Variants in ZBTB1 observed in about 807,000 individuals in gnomAD.
ZBTB1 encodes the protein zinc finger and BTB domain-containing protein 1.
In ZBTB1, 13 loss-of-function variants were observed where a neutral mutation model predicts 51.6. That is an observed-to-expected ratio of 0.25 (90% CI 0.16 to 0.40). ZBTB1 has a LOEUF of 0.40. Among genes scored for constraint, ZBTB1 ranks in the 10% least tolerant of loss-of-function variants. The pLI, the probability that ZBTB1 is intolerant of heterozygous loss-of-function variation, is 1.00. For synonymous variants in ZBTB1, 240 were observed against 282.2 expected (o/e 0.85, Z 1.50); for missense variants, 567 against 856.5 (o/e 0.66, Z 4.22).
chr14:64,521,581 G>A lies in ZBTB1; in HGVS notation c.77G>A (p.Cys26Tyr). The A allele has an allele frequency of 6.2e-7, 1 of 1,614,208 alleles. No homozygotes were observed. The highest frequency in any genetic ancestry group is 8.5e-7 in the Non-Finnish European group (1 of 1,180,036). The part of the protein sequence containing the change: ...NQREWGFLCD[C>Y]CIAIDDIYFQ... ...AGAGAATGGGGTTTTCTCTGTGACT[G>A]CTGTATTGCAATTGATGACATTTAC... Residue 26 changes from cysteine to tyrosine, a missense_variant, in exon 2 of 2, where the codon TGC becomes TAC. Cys to Tyr is a radical substitution (Grantham distance 194). This residue lies in a region of ZBTB1 where 69 missense variants were observed against 136.4 expected (regional missense o/e 0.51). Coordinates refer to ENST00000683701, the MANE Select transcript of ZBTB1 (RefSeq NM_001123329.2).
chr14:64,525,005 A>G, downstream of ZBTB1: 1 of 861,722 alleles, frequency 1.2e-6, no homozygotes. Context: ...AATGAAAGGG[A>G]TTTTAATTAA....
At chr14:64,527,312 T>C (rs1463946928), downstream of ZBTB1, among the ~76,000 whole-genome samples, 2 of 151,410 alleles carry the variant, frequency 1.3e-5, no homozygotes, top group Non-Finnish European at 2.9e-5. Context: ...CCACCTCTAC[T>C]AAAAATACAA....
chr14:64,525,325 A>G (rs184741441), downstream of ZBTB1, among the ~76,000 whole-genome samples: 55 of 152,316 alleles, frequency 3.6e-4, no homozygotes, highest in Non-Finnish European at 1.2e-4. Context: ...CAAAAATTAA[A>G]AATTTAACAG....
At position 64,521,145 on chromosome 14, in the gene ZBTB1, G is replaced by A. The variant is rs531576379; in HGVS notation, c.-18-342G>A. On this transcript the variant is annotated intron_variant, in intron 1 of 1. Transcript: ENST00000683701. ...CCCAAAGTGTTAGGATTACAGGCGT[G>A]AGCCACTGCACTCGGCCTCCTTCAA... 2.6e-5 allele frequency among the ~76,000 whole-genome samples: 4 copies of A among 152,346 alleles called. 1 individual carries two copies. In the South Asian group the frequency reaches 8.3e-4, roughly 32 times the overall value.
At position 64,522,560 on chromosome 14, in the gene ZBTB1, T is replaced by C. The variant is rs1309126728; in HGVS notation, c.1056T>C (p.Cys352=). Residue 352 remains cysteine (C), a synonymous_variant, in exon 2 of 2, where the codon TGT becomes TGC. Coordinates refer to ENST00000683701, the MANE Select transcript of ZBTB1 (RefSeq NM_001123329.2). ...TTATTAAAGTTACTGATAAAGACTG[T>C]AATGAATCCACTGACAATGATGAAT... ...FNIIKVTDKD[C]NESTDNDELE... is the part of the protein sequence containing the mutation. 1.9e-6 allele frequency: 3 copies of C among 1,613,940 alleles called. No homozygotes were observed. The highest frequency in any genetic ancestry group is 2.2e-5 in the East Asian group (1 of 44,886).
intron 1 of ZBTB1, among the ~76,000 whole-genome samples, chr14:64,517,781 A>ATTTT (rs10590459): frequency 1.4e-4 from 6 of 41,550 alleles, no homozygotes; most frequent in Admixed American, 3.3e-4. Context: ...ATATATATAT[A>ATTTT]TTTTTTTTTT....
chr14:64,521,808 A>C lies in ZBTB1; in HGVS notation c.304A>C (p.Asn102His). The C allele has an allele frequency of 6.2e-7, 1 of 1,611,498 alleles. No individual in the cohort carries two copies. ...TTTTGAGCAGTTTAAAGTGGCAATG[A>C]ACTACCTACAGCTATACAATGTTCC... is the stretch of plus-strand genomic sequence containing the variant. The part of the protein sequence containing the change: ...SSFEQFKVAM[N>H]YLQLYNVPDC... The change falls in exon 2 of 2, where the codon AAC becomes CAC. Residue 102 changes from asparagine (N) to histidine (H), a missense_variant. By Grantham distance (68) the Asn-to-His change is moderately conservative. This residue lies in a region of ZBTB1 where 69 missense variants were observed against 136.4 expected (regional missense o/e 0.51). Coordinates refer to ENST00000683701, the MANE Select transcript of ZBTB1 (RefSeq NM_001123329.2).
At chr14:64,533,062 AT>A (rs778657948) in exon 3 of ZBTB1, 13 of 152,184 alleles carry the variant, frequency 8.5e-5, no homozygotes, top group African/African-American at 3.1e-4. Context: ...AAGCACAGAG[AT>A]TTATAGTATT....
chr14:64,529,291 C>T (rs896980100), downstream of ZBTB1, among the ~76,000 whole-genome samples: 1 of 152,096 alleles, frequency 6.6e-6, no homozygotes, highest in African/African-American at 2.4e-5. Flanking sequence ...CCTTTTCTTC[C>T]TTTATTTCCC....
downstream of ZBTB1, among the ~76,000 whole-genome samples, chr14:64,526,102 G>C (rs974510162): frequency 2.0e-5 from 3 of 151,784 alleles, no homozygotes; most frequent in Admixed American, 2.0e-4. Context: ...ACAGGCATGA[G>C]CCACCGTGCC....
chr14:64,518,904 G>GCATATATATATATATA lies in ZBTB1; in HGVS notation c.-18-2583_-18-2582insCATATATATATATATA, dbSNP rs1555348525. On this transcript the variant is annotated intron_variant, in intron 1 of 1. Coordinates refer to ENST00000683701, the MANE Select transcript of ZBTB1 (RefSeq NM_001123329.2). ...AATGAAGAAAACTAGTTGCAGAGAG[G>GCATATATATATATATA]TATATATATATATATATATATATAT... Among the ~76,000 whole-genome samples the GCATATATATATATATA allele has an allele frequency of 3.2e-5, 3 of 95,128 alleles. No homozygotes were observed. In the South Asian group the frequency reaches 1.0e-3, roughly 33 times the overall value. 62.4% of individuals were successfully genotyped at this position (95,128 alleles called of 152,430 possible). A position where few individuals can be genotyped will look rare whatever the true frequency, so the allele number is the denominator to read the frequency against.
intron 1 of ZBTB1, among the ~76,000 whole-genome samples, chr14:64,517,157 A>C (rs1354764813): frequency 6.6e-6 from 1 of 152,222 alleles, no homozygotes; most frequent in Non-Finnish European, 1.5e-5. Context: ...ATCCACTATT[A>C]CTTTCATTAT....
chr14:64,509,331 A>G (rs1336273760), intron 1 of ZBTB1, among the ~76,000 whole-genome samples: 2 of 152,116 alleles, frequency 1.3e-5, no homozygotes, highest in Non-Finnish European at 2.9e-5. Flanking sequence ...AAATTGCCCC[A>G]TTGCACTCCA....
chr14:64,526,020 G>A (rs538967017), downstream of ZBTB1, among the ~76,000 whole-genome samples: 25 of 152,014 alleles, frequency 1.6e-4, 1 homozygote, highest in South Asian at 5.0e-3. Flanking sequence ...GGGTTTCACC[G>A]TCTTGGCCAG....
intron 2 of ZBTB1, chr14:64,531,713 G>A: frequency 1.3e-6 from 1 of 794,146 alleles, no homozygotes; most frequent in Non-Finnish European, 2.0e-6. Context: ...TAGGGGCTAT[G>A]CTTGTGTTTC....
At chr14:64,527,724 A>G (rs1408749468), downstream of ZBTB1, among the ~76,000 whole-genome samples, 1 of 152,180 alleles carries the variant, frequency 6.6e-6, no homozygotes, top group African/African-American at 2.4e-5. Context: ...GTGAACTGAG[A>G]TCATGCCACA....
chr14:64,525,579 C>A (rs1268313578), downstream of ZBTB1, among the ~76,000 whole-genome samples: 1 of 151,988 alleles, frequency 6.6e-6, no homozygotes, highest in Non-Finnish European at 1.5e-5. Context: ...TTTTTCGTGA[C>A]TCATCAAAAT....
intron 1 of ZBTB1, among the ~76,000 whole-genome samples, chr14:64,513,813 A>G (rs938118361): frequency 1.1e-4 from 16 of 152,266 alleles, no homozygotes; most frequent in African/African-American, 3.9e-4. Context: ...GGCATCCACT[A>G]TCATGCCCGG....
At chr14:64,504,293 C>CGACGGGGCAGGGCGAGGTT (rs2079598365), upstream of ZBTB1, among the ~76,000 whole-genome samples, 1 of 151,896 alleles carries the variant, frequency 6.6e-6, no homozygotes, top group Non-Finnish European at 1.5e-5. Context: ...GACCCTGAAC[C>CGACGGGGCAGGGCGAGGTT]GACGGGGCAG....
Sources: gnomAD v4.1 joint callset for allele counts (sites outside exome capture counted in the v4.1 genomes callset) on GRCh38, gnomAD v4.1.1 for gene constraint, gnomAD v4.1.1 regional missense constraint, MANE v1.5 for transcripts, NCBI Gene and HGNC (gene_info 2026-07-23, HGNC 2026-07-21) for gene names.